Variants in RNF130 observed in about 807,000 individuals in gnomAD.
The protein encoded by RNF130 is ring finger protein 130.
RNF130 carries 21 observed loss-of-function variants against 44.6 expected under a neutral mutation model. The observed-to-expected ratio is 0.47, with a 90% confidence interval of 0.33 to 0.68. The LOEUF (loss-of-function observed/expected upper bound fraction) is 0.68, where lower values mean the gene tolerates loss of function less well. Among genes scored for constraint, RNF130 ranks in the 30% least tolerant of loss-of-function variants. RNF130 has a pLI of 0.02. For missense variants in RNF130, 479 were observed against 560.6 expected, an observed-to-expected ratio of 0.85 and a Z score of 1.47; for synonymous variants, 214 against 210.4, an observed-to-expected ratio of 1.02 and a Z score of -0.15.
intron 1 of RNF130, among the ~76,000 whole-genome samples, chr5:180,053,218 G>A (rs1764730130): frequency 1.3e-5 from 2 of 152,068 alleles, no homozygotes; most frequent in Admixed American, 1.3e-4. Context: ...ACCTAGAGCT[G>A]CAGAAGAGAT....
intron 7 of RNF130, among the ~76,000 whole-genome samples, chr5:179,931,032 CAAAA>C (rs34266288): frequency 4.0e-5 from 3 of 74,294 alleles, no homozygotes; most frequent in Non-Finnish European, 5.1e-5. Flanking sequence ...ACCTCTGTCT[CAAAA>C]AAAAAAAAAA....
At chr5:180,056,454 A>T (rs1367177582) in intron 1 of RNF130, among the ~76,000 whole-genome samples, 1 of 152,164 alleles carries the variant, frequency 6.6e-6, no homozygotes, top group Non-Finnish European at 1.5e-5. Context: ...AGGAGTTTGG[A>T]TCAATAGGAC....
chr5:179,940,152 G>A (rs1208672167), intron 7 of RNF130: 2 of 153,882 alleles, frequency 1.3e-5, no homozygotes, highest in Admixed American at 6.5e-5. Context: ...GTGCTTAACA[G>A]ACGGTTGGAA....
At chr5:179,961,015 G>C (rs1422785013) in intron 8 of RNF130, among the ~76,000 whole-genome samples, 4 of 151,684 alleles carry the variant, frequency 2.6e-5, no homozygotes, top group Non-Finnish European at 2.9e-5. Context: ...TGATATTTTT[G>C]AGAAAAAGAC....
intron 8 of RNF130, among the ~76,000 whole-genome samples, chr5:179,959,334 T>C (rs1236329388): frequency 6.6e-6 from 1 of 152,176 alleles, no homozygotes; most frequent in African/African-American, 2.4e-5. Flanking sequence ...AGTTTCTCAA[T>C]ATTCCTCTTA....
At chr5:179,915,451 T>G (rs985975563) in exon 8 of RNF130, 1 of 152,774 alleles carries the variant, frequency 6.5e-6, no homozygotes, top group Non-Finnish European at 1.5e-5. Flanking sequence ...CGCACCTCCA[T>G]GCCTCTCCTT....
intron 1 of RNF130, among the ~76,000 whole-genome samples, chr5:180,054,067 G>A (rs1474323464): frequency 6.6e-6 from 1 of 151,900 alleles, no homozygotes; most frequent in Non-Finnish European, 1.5e-5. Flanking sequence ...TGCCCGCCTC[G>A]GCCTCCCAAA....
At chr5:179,988,066 T>C (rs762939493) in intron 3 of RNF130, among the ~76,000 whole-genome samples, 28 of 152,380 alleles carry the variant, frequency 1.8e-4, no homozygotes, top group Non-Finnish European at 3.4e-4. Flanking sequence ...ATAAATTTGA[T>C]AGGATTTGGC....
intron 7 of RNF130, among the ~76,000 whole-genome samples, chr5:179,926,780 C>T (rs1253655859): frequency 6.6e-6 from 1 of 152,238 alleles, no homozygotes; most frequent in South Asian, 2.1e-4. Flanking sequence ...GGGTTGAACA[C>T]TTGGGCTTGC....
chr5:179,920,665 C>A (rs1561658014), intron 7 of RNF130, among the ~76,000 whole-genome samples: 1 of 152,098 alleles, frequency 6.6e-6, no homozygotes, highest in East Asian at 1.9e-4. Flanking sequence ...CTCCTCAAAG[C>A]AAAAGCTGCC....
intron 7 of RNF130, among the ~76,000 whole-genome samples, chr5:179,940,303 T>C (rs545065744): frequency 3.0e-4 from 45 of 151,828 alleles, no homozygotes; most frequent in African/African-American, 1.1e-3. Flanking sequence ...TCACTGCAAC[T>C]TCCGCTTCCC....
intron 4 of RNF130, among the ~76,000 whole-genome samples, chr5:179,979,498 T>C (rs1762783844): frequency 6.6e-6 from 1 of 152,066 alleles, no homozygotes; most frequent in South Asian, 2.1e-4. Context: ...GTTTTATGCC[T>C]TTTGAGATGC....
chr5:180,014,605 G>A (rs957526832), intron 2 of RNF130, among the ~76,000 whole-genome samples: 5 of 152,056 alleles, frequency 3.3e-5, no homozygotes, highest in African/African-American at 1.2e-4. Flanking sequence ...TGAAATATTT[G>A]GTTTTACATG....
intron 1 of RNF130, among the ~76,000 whole-genome samples, 189 bp downstream of exon 1, chr5:180,071,267 T>A (rs1370043419): frequency 6.6e-6 from 1 of 152,344 alleles, no homozygotes; most frequent in African/African-American, 2.4e-5. Flanking sequence ...AAAAACCCAG[T>A]CACGCTCCTG....
At chr5:179,983,906 G>A (rs1245953585) in intron 3 of RNF130, among the ~76,000 whole-genome samples, 3 of 152,118 alleles carry the variant, frequency 2.0e-5, no homozygotes, top group African/African-American at 4.8e-5. Flanking sequence ...TATGGAAAAT[G>A]GGATTTCTTA....
intron 1 of RNF130, among the ~76,000 whole-genome samples, chr5:180,066,005 CATT>C (rs1285337476): frequency 6.6e-6 from 1 of 152,192 alleles, no homozygotes; most frequent in Non-Finnish European, 1.5e-5. Flanking sequence ...ATATCACAAA[CATT>C]AAACAGTGTC....
At chr5:179,926,033 C>T (rs938239416) in intron 7 of RNF130, among the ~76,000 whole-genome samples, 2 of 152,142 alleles carry the variant, frequency 1.3e-5, no homozygotes, top group African/African-American at 4.8e-5. Context: ...GATTGGTGCT[C>T]AGTGACGCTA....
At chr5:179,929,786 A>G (rs1466490946) in intron 7 of RNF130, among the ~76,000 whole-genome samples, 1 of 151,824 alleles carries the variant, frequency 6.6e-6, no homozygotes, top group East Asian at 1.9e-4. Flanking sequence ...TCCAGTTTCA[A>G]TACACACACC....
intron 5 of RNF130, among the ~76,000 whole-genome samples, chr5:179,972,127 G>C (rs561312668): frequency 2.6e-5 from 4 of 152,294 alleles, no homozygotes; most frequent in African/African-American, 9.6e-5. Flanking sequence ...CGTAGCCTCT[G>C]TGTGTGGAGT....
Sources: gnomAD v4.1 joint callset for allele counts (sites outside exome capture counted in the v4.1 genomes callset) on GRCh38, gnomAD v4.1.1 for gene constraint, MANE v1.5 for transcripts, NCBI Gene and HGNC (gene_info 2026-07-23, HGNC 2026-07-21) for gene names.